DIXDC1: variants seen among roughly 807,000 people sequenced by gnomAD.
DIXDC1 encodes the protein dixin.
Under a neutral mutation model 103.1 loss-of-function variants are expected in DIXDC1, and 64 were observed. The observed-to-expected ratio is 0.62, with a 90% CI of 0.51 to 0.76. The LOEUF (loss-of-function observed/expected upper bound fraction) is 0.76, where lower values mean the gene tolerates loss of function less well. Ranked by LOEUF, DIXDC1 falls within the 30% of genes least tolerant of loss-of-function variation. The pLI, the probability that DIXDC1 is intolerant of heterozygous loss-of-function variation, is 0.00. For missense variants in DIXDC1, 759 were observed against 834.2 expected, an observed-to-expected ratio of 0.91 and a Z score of 1.11; for synonymous variants, 266 against 298.5, an observed-to-expected ratio of 0.89 and a Z score of 1.12.
At chr11:112,001,778 C>T (rs930115730) in intron 17 of DIXDC1, among the ~76,000 whole-genome samples, 3 of 138,856 alleles carry the variant, frequency 2.2e-5, no homozygotes, top group South Asian at 2.3e-4. Flanking sequence ...TTTTTTGAGA[C>T]GGAGTCTTGG....
chr11:111,938,900 G>T (rs587642731), intron 1 of DIXDC1, among the ~76,000 whole-genome samples: 1 of 152,324 alleles, frequency 6.6e-6, no homozygotes, highest in East Asian at 1.9e-4. Flanking sequence ...CCTCATCTTT[G>T]CATCCTTCCT....
Position 111,977,212 on chromosome 11 carries a change from G to GCGGT in DIXDC1, c.656+2234_656+2237dup, listed in dbSNP as rs1860131660. The stretch of plus-strand genomic sequence containing the variant: ...CCCGCACCCTCAACCTCCGTCCAGA[G>GCGGT]CGGTCGGTTGGCCAGCGGAGCTGGC... On this transcript the variant is annotated intron_variant, in intron 5 of 19. Coordinates refer to ENST00000440460, the MANE Select transcript of DIXDC1 (RefSeq NM_001037954.4). The surrounding 1 kb of genome is among the most constrained non-coding windows in gnomAD (Gnocchi z 6.1). 1.0e-6 allele frequency: 1 copy of GCGGT among 983,806 alleles called. No homozygotes were observed. Among genetic ancestry groups the GCGGT allele is most frequent in the Non-Finnish European group, 1.2e-6 (1 of 826,368 alleles). 60.9% of individuals were successfully genotyped at this position (983,806 alleles called of 1,614,324 possible).
At chr11:111,989,624 GGAAAA>G (rs1566539631) in intron 10 of DIXDC1, among the ~76,000 whole-genome samples, 1 of 49,464 alleles carries the variant, frequency 2.0e-5, no homozygotes. Context: ...ACTCCGTCTC[GGAAAA>G]AAAAAAAAAA....
intron 8 of DIXDC1, among the ~76,000 whole-genome samples, 200 bp downstream of exon 8, chr11:111,985,521 C>T (rs1285802132): frequency 2.0e-5 from 3 of 152,144 alleles, no homozygotes; most frequent in Non-Finnish European, 4.4e-5. Flanking sequence ...ATATGCCAGA[C>T]CCTATTTCAA....
intron 6 of DIXDC1, 164 bp from the exon 7 acceptor site, chr11:111,982,175 T>C: frequency 1.6e-6 from 1 of 626,742 alleles, no homozygotes. Context: ...TCACAGCCAA[T>C]TCTTTAGGCC....
chr11:112,016,946 T>G (rs1396199748), intron 18 of DIXDC1, 150 bp downstream of exon 18: 1 of 645,072 alleles, frequency 1.6e-6, no homozygotes, highest in Non-Finnish European at 2.6e-6. Context: ...AGACAGATTC[T>G]AGTTTCAGCT....
chr11:111,949,636 TC>T (rs1194524635), intron 1 of DIXDC1, among the ~76,000 whole-genome samples: 2 of 152,192 alleles, frequency 1.3e-5, no homozygotes, highest in African/African-American at 4.8e-5. Context: ...ACTTCACACT[TC>T]CTGTTGAAGG....
rs1376491550 is a variant in DIXDC1, at chr11:111,998,694, C to T, written c.1756+2548C>T. Among the ~76,000 whole-genome samples the T allele has an allele frequency of 6.6e-5, 10 of 152,028 alleles. No homozygotes were observed. Among genetic ancestry groups the T allele is most frequent in the South Asian group, 2.1e-4 (1 of 4,814 alleles). On this transcript the variant is annotated intron_variant, in intron 17 of 19. Transcript: ENST00000440460. The surrounding 1 kb of genome is among the most constrained non-coding windows in gnomAD (Gnocchi z 4.1). The stretch of plus-strand genomic sequence containing the variant: ...GATTACAGGCGCCCGCCACCACGCC[C>T]GGCTAATTTTTTGTATTTTAGTAGA...
chr11:111,987,674 T>TG (rs1555174031), intron 9 of DIXDC1, among the ~76,000 whole-genome samples: 1 of 151,504 alleles, frequency 6.6e-6, no homozygotes, highest in Non-Finnish European at 1.5e-5. Context: ...TTTTTTTTTT[T>TG]TTTGAGACAG....
At chr11:111,997,289 C>A (rs998056160) in intron 17 of DIXDC1, among the ~76,000 whole-genome samples, 2 of 152,126 alleles carry the variant, frequency 1.3e-5, no homozygotes, top group Non-Finnish European at 2.9e-5. Flanking sequence ...TCCCAGATAT[C>A]TTTTCCTCTT....
intron 1 of DIXDC1, among the ~76,000 whole-genome samples, 184 bp downstream of exon 1, chr11:111,937,743 C>G (rs1463449815): frequency 1.3e-5 from 2 of 152,218 alleles, no homozygotes; most frequent in African/African-American, 4.8e-5. Context: ...ATCAGAAGGG[C>G]TGCCTGCCCA....
chr11:111,961,951 G>A lies in DIXDC1; in HGVS notation c.61-2598G>A, dbSNP rs587647877. Among the ~76,000 whole-genome samples, 4 of 152,252 alleles carry A rather than the reference G, an allele frequency of 2.6e-5. No individual in the cohort carries two copies. In the East Asian group the frequency reaches 7.7e-4, roughly 29 times the overall value. Reference sequence around the variant, plus strand: ...TTCCTCCTTCAGGAGACCCTCTGAAGCTTGGGGTTCAGGTTGGGCTAATAC... The same window carrying A: ...TTCCTCCTTCAGGAGACCCTCTGAAACTTGGGGTTCAGGTTGGGCTAATAC... On this transcript the variant is annotated intron_variant, in intron 1 of 19. Coordinates refer to ENST00000440460, the MANE Select transcript of DIXDC1 (RefSeq NM_001037954.4).
At chr11:111,982,761 C>G (rs1185708897) in intron 7 of DIXDC1, among the ~76,000 whole-genome samples, 1 of 152,216 alleles carries the variant, frequency 6.6e-6, no homozygotes, top group African/African-American at 2.4e-5. Context: ...TGACTCTGTG[C>G]TACATAGGTG....
chr11:111,992,631 C>T, intron 11 of DIXDC1, 112 bp downstream of exon 11: 1 of 960,916 alleles, frequency 1.0e-6, no homozygotes, highest in Non-Finnish European at 1.6e-6. Context: ...TTCTGGGATG[C>T]CTGCCTTAAG....
intron 1 of DIXDC1, among the ~76,000 whole-genome samples, chr11:111,941,424 A>G (rs1231539993): frequency 3.3e-5 from 5 of 152,190 alleles, no homozygotes; most frequent in African/African-American, 1.2e-4. Context: ...GCTTTTGAAC[A>G]TAAGTTCTGG....
intron 1 of DIXDC1, among the ~76,000 whole-genome samples, chr11:111,954,678 T>C (rs1390886548): frequency 6.6e-6 from 1 of 152,208 alleles, no homozygotes; most frequent in Non-Finnish European, 1.5e-5. Context: ...TCTATTGTAG[T>C]TAATAAATTT....
upstream of DIXDC1, among the ~76,000 whole-genome samples, chr11:111,936,999 ATGTGTGTATGTGTGTATGTGTGTGTG>A (rs1966211013): frequency 9.1e-6 from 1 of 109,954 alleles, no homozygotes; most frequent in South Asian, 2.4e-4. Flanking sequence ...GTGTGTGTGT[ATGTGTGTATGTGTGTATGTGTGTGTG>A]TGTGTGTATG....
intron 17 of DIXDC1, among the ~76,000 whole-genome samples, chr11:112,009,732 A>C (rs1038495087): frequency 3.3e-5 from 5 of 152,264 alleles, no homozygotes; most frequent in Non-Finnish European, 7.3e-5. Context: ...CAATAGATGC[A>C]GAAAAGGCCT....
chr11:111,959,788 C>CT (rs1566488690), intron 1 of DIXDC1, among the ~76,000 whole-genome samples: 1 of 152,148 alleles, frequency 6.6e-6, no homozygotes, highest in East Asian at 1.9e-4. Context: ...TTTGCTAAGT[C>CT]TAAGATTGTT....
Sources: allele counts gnomAD v4.1 joint callset (sites outside exome capture counted in the v4.1 genomes callset), GRCh38; gene constraint gnomAD v4.1.1; non-coding constraint Gnocchi (gnomAD v3.1); transcripts MANE v1.5; gene names NCBI Gene and HGNC (gene_info 2026-07-23, HGNC 2026-07-21).